Variants in PAFAH1B1 observed in about 807,000 individuals in gnomAD.
PAFAH1B1 encodes the protein platelet activating factor acetylhydrolase 1b regulatory subunit 1.
PAFAH1B1 carries 2 observed loss-of-function variants against 57.5 expected under a neutral mutation model. The observed-to-expected ratio is 0.03, with a 90% CI of 0.01 to 0.11. The LOEUF is 0.11. PAFAH1B1 is among the 10% of genes least tolerant of loss of function. The pLI, the probability that PAFAH1B1 is intolerant of heterozygous loss-of-function variation, is 1.00. For missense variants in PAFAH1B1, 257 were observed against 512.0 expected (o/e 0.50, Z 4.81); for synonymous variants, 152 against 169.6 (o/e 0.90, Z 0.81).
At chr17:2,609,050 T>C (rs1170648032) in intron 1 of PAFAH1B1, among the ~76,000 whole-genome samples, 1 of 152,248 alleles carries the variant, frequency 6.6e-6, no homozygotes, top group African/African-American at 2.4e-5. Flanking sequence ...ATTTAAAAAC[T>C]AGCTGTTTTA....
intron 9 of PAFAH1B1, among the ~76,000 whole-genome samples, chr17:2,678,026 G>A (rs1238255046): frequency 2.0e-5 from 3 of 151,664 alleles, no homozygotes; most frequent in Admixed American, 6.6e-5. Context: ...GGAGGCTGAG[G>A]CAGGTGGATC....
intron 1 of PAFAH1B1, among the ~76,000 whole-genome samples, chr17:2,626,263 A>T (rs1330300744): frequency 6.6e-6 from 1 of 152,082 alleles, no homozygotes; most frequent in African/African-American, 2.4e-5. Context: ...AAAAAAAAAA[A>T]AATTATTTCT....
intron 9 of PAFAH1B1, among the ~76,000 whole-genome samples, chr17:2,679,089 CCTTTTT>C (rs1185467145): frequency 2.6e-5 from 4 of 152,264 alleles, no homozygotes; most frequent in East Asian, 3.9e-4. Context: ...CAGTTCTAAG[CCTTTTT>C]CTTTAATGTG....
chr17:2,599,927 T>C (rs1385573061), intron 1 of PAFAH1B1, among the ~76,000 whole-genome samples: 1 of 151,890 alleles, frequency 6.6e-6, no homozygotes, highest in East Asian at 1.9e-4. Flanking sequence ...TAGAAAGTTA[T>C]ATGTTTATTA....
intron 1 of PAFAH1B1, among the ~76,000 whole-genome samples, chr17:2,597,886 C>A (rs1370683864): frequency 6.6e-6 from 1 of 151,748 alleles, no homozygotes; most frequent in Non-Finnish European, 1.5e-5. Context: ...ACATGTGGTT[C>A]ATGTTATTCA....
intron 1 of PAFAH1B1, among the ~76,000 whole-genome samples, chr17:2,610,108 G>A (rs2068251146): frequency 6.6e-6 from 1 of 152,234 alleles, no homozygotes. Context: ...ACTGGCGTGA[G>A]CCACTGTGGC....
At chr17:2,669,227 T>C (rs1324596206) in intron 5 of PAFAH1B1, among the ~76,000 whole-genome samples, 1 of 152,074 alleles carries the variant, frequency 6.6e-6, no homozygotes, top group Non-Finnish European at 1.5e-5. Context: ...ATGTTCACTA[T>C]AATGTTTTCT....
rs2069268532 is a variant in PAFAH1B1, at chr17:2,676,387, A to G, written c.901-118A>G. On this transcript the variant is annotated intron_variant, in intron 8 of 10. Coordinates refer to ENST00000397195, the MANE Select transcript of PAFAH1B1 (RefSeq NM_000430.4). ...AGCCAGACTCCGTCTGAAAACAAAC[A>G]AAAAACCAAAATGCAACAAAAAAAT... 4.0e-6 allele frequency: 3 copies of G among 742,566 alleles called. No homozygotes were observed. The Admixed American group carries it at 6.3e-5, about 16-fold the overall frequency. 46.0% of individuals were successfully genotyped at this position (742,566 alleles called of 1,614,324 possible).
chr17:2,661,549 G>A (rs1411140072), intron 2 of PAFAH1B1, among the ~76,000 whole-genome samples: 1 of 152,134 alleles, frequency 6.6e-6, no homozygotes, highest in South Asian at 2.1e-4. Context: ...GTAGCATGCT[G>A]TTTTGGTTAC....
At chr17:2,607,386 A>G (rs1433865720) in intron 1 of PAFAH1B1, among the ~76,000 whole-genome samples, 1 of 151,042 alleles carries the variant, frequency 6.6e-6, no homozygotes, top group Non-Finnish European at 1.5e-5. Flanking sequence ...CATGTTGGCC[A>G]GGGTGGTCTC....
chr17:2,593,850 T>TCCCCTC lies in PAFAH1B1; in HGVS notation c.-337_-332dup, dbSNP rs2068051196. On this transcript the variant is annotated 5_prime_UTR_variant, in exon 1 of 11. Transcript: ENST00000397195. ...CGGCTGAGGAGCCCGCCCGCTCCCC[T>TCCCCTC]CCCCTCCCCCTCCCCGGGCCCGGGC... 1 of 64,014 alleles carries TCCCCTC rather than the reference T, an allele frequency of 1.6e-5. No homozygotes were observed. The highest frequency in any genetic ancestry group is 6.1e-5 in the African/African-American group (1 of 16,264). 4.0% of individuals were successfully genotyped at this position (64,014 alleles called of 1,614,324 possible).
chr17:2,596,817 G>A (rs1208764796), intron 1 of PAFAH1B1, among the ~76,000 whole-genome samples: 1 of 152,112 alleles, frequency 6.6e-6, no homozygotes. Context: ...TCAGCACTTT[G>A]GGAGGCCGAG....
rs1345313290 is a variant in PAFAH1B1 at position 2,680,212 on chromosome 17, A to G, written c.1051A>G (p.Lys351Glu). ...VRGVLFHSGGKFILSCADDKT... is the reference protein window; with the variant it reads ...VRGVLFHSGGEFILSCADDKT... ...TGGAGTTCTGTTCCATTCTGGGGGG[A>G]AGTTTATTTTGAGTTGTGCTGATGA... Residue 351 changes from lysine (K) to glutamate (E), a missense_variant, in exon 10 of 11, where the codon AAG (lysine) becomes GAG (glutamate). Lys to Glu is a moderately conservative substitution (Grantham distance 56). Transcript: ENST00000397195. The G allele has an allele frequency of 1.2e-6, 2 of 1,613,466 alleles. No homozygotes were observed. Among genetic ancestry groups the G allele is most frequent in the South Asian group, 1.1e-5 (1 of 91,036 alleles).
intron 6 of PAFAH1B1, among the ~76,000 whole-genome samples, chr17:2,671,294 C>T (rs1051695764): frequency 1.1e-4 from 17 of 152,002 alleles, no homozygotes; most frequent in African/African-American, 2.2e-4. Context: ...CTGCAACCTC[C>T]GCCTCCCAGG....
At chr17:2,638,606 C>G in intron 2 of PAFAH1B1, 1 of 337,628 alleles carries the variant, frequency 3.0e-6, no homozygotes, top group Non-Finnish European at 5.5e-6. Flanking sequence ...CTCCCAGGTT[C>G]AAGCTATTCT....
chr17:2,681,313 T>C (rs2069381621), intron 10 of PAFAH1B1: 1 of 156,414 alleles, frequency 6.4e-6, no homozygotes, highest in Non-Finnish European at 1.4e-5. Context: ...GAGATGTTAA[T>C]ACAGGATTTG....
intron 3 of PAFAH1B1, among the ~76,000 whole-genome samples, chr17:2,665,698 T>C (rs1452456114): frequency 6.6e-6 from 1 of 152,092 alleles, no homozygotes; most frequent in East Asian, 1.9e-4. Flanking sequence ...GCCTCCCAGA[T>C]TCAAGCGATT....
chr17:2,648,809 A>C (rs1465035257), intron 2 of PAFAH1B1, among the ~76,000 whole-genome samples: 1 of 152,018 alleles, frequency 6.6e-6, no homozygotes, highest in Non-Finnish European at 1.5e-5. Context: ...TCTTAACTTG[A>C]TTATGGCTAC....
chr17:2,594,369 T>A (rs947917413), intron 1 of PAFAH1B1, among the ~76,000 whole-genome samples: 1 of 152,170 alleles, frequency 6.6e-6, no homozygotes, highest in Non-Finnish European at 1.5e-5. Context: ...AAAAGTATTC[T>A]TGGGTTGGAA....
Sources: gnomAD v4.1 joint callset for allele counts (sites outside exome capture counted in the v4.1 genomes callset) on GRCh38, gnomAD v4.1.1 for gene constraint, MANE v1.5 for transcripts, NCBI Gene and HGNC (gene_info 2026-07-23, HGNC 2026-07-21) for gene names.